APBB2: variants seen among roughly 807,000 people sequenced by gnomAD.
APBB2 encodes the protein amyloid beta precursor protein binding family B member 2, also known as Fe65-like 1.
A neutral mutation model predicts 82.5 loss-of-function variants in APBB2; 38 were observed. The observed-to-expected ratio is 0.46, with a 90% CI of 0.36 to 0.60. The LOEUF is 0.60. APBB2 is among the 20% of genes least tolerant of loss of function. The pLI, the probability that APBB2 is intolerant of heterozygous loss-of-function variation, is 0.00. For synonymous variants in APBB2, 341 were observed against 368.2 expected, an observed-to-expected ratio of 0.93 and a Z score of 0.85; for missense variants, 772 against 972.3, an observed-to-expected ratio of 0.79 and a Z score of 2.74.
intron 13 of APBB2, 84 bp from the exon 14 acceptor site, chr4:40,827,303 G>A (rs1448995674): frequency 9.3e-6 from 11 of 1,178,628 alleles, no homozygotes; most frequent in Non-Finnish European, 1.4e-5. Context: ...TGTCTAGGTT[G>A]ACTTCACTTC....
intron 6 of APBB2, among the ~76,000 whole-genome samples, chr4:41,003,871 T>A (rs1002312019): frequency 2.0e-5 from 3 of 151,992 alleles, no homozygotes; most frequent in African/African-American, 7.2e-5. Context: ...TGCCACCATG[T>A]CCAGCTAATT....
intron 10 of APBB2, among the ~76,000 whole-genome samples, chr4:40,924,706 T>A (rs1279017635): frequency 6.6e-6 from 1 of 152,204 alleles, no homozygotes; most frequent in Admixed American, 6.5e-5. Flanking sequence ...GCCGCCCCCA[T>A]GTGGATCAGG....
At chr4:40,905,416 CCTT>C (rs1021285273) in intron 10 of APBB2, among the ~76,000 whole-genome samples, 7 of 152,240 alleles carry the variant, frequency 4.6e-5, no homozygotes, top group African/African-American at 1.4e-4. Flanking sequence ...GCCTCACAAT[CCTT>C]CTTCACACAC....
intron 6 of APBB2, among the ~76,000 whole-genome samples, chr4:40,962,587 G>A (rs1250254275): frequency 1.3e-5 from 2 of 152,168 alleles, no homozygotes. Flanking sequence ...TACGTCATAG[G>A]TGGGCAATGT....
At chr4:40,986,894 G>A (rs866011798) in intron 6 of APBB2, among the ~76,000 whole-genome samples, 5 of 152,296 alleles carry the variant, frequency 3.3e-5, no homozygotes, top group Middle Eastern at 3.4e-3. Context: ...GTTCTTAACC[G>A]TCAATACGGC....
At chr4:41,015,846 T>C (rs1809757581) in intron 5 of APBB2, among the ~76,000 whole-genome samples, 2 of 152,202 alleles carry the variant, frequency 1.3e-5, no homozygotes, top group South Asian at 4.1e-4. Context: ...GTGTGGTTTT[T>C]CCTTTTTCAA....
intron 1 of APBB2, among the ~76,000 whole-genome samples, chr4:41,145,974 G>A (rs1760596306): frequency 6.6e-6 from 1 of 152,144 alleles, no homozygotes. Flanking sequence ...TGGATTGCTT[G>A]AGCCCAGGAG....
At chr4:41,177,365 C>T (rs941504886) in intron 1 of APBB2, among the ~76,000 whole-genome samples, 5 of 152,142 alleles carry the variant, frequency 3.3e-5, no homozygotes, top group Non-Finnish European at 7.3e-5. Context: ...AGCTATGCAG[C>T]CCTGAAAGCA....
intron 10 of APBB2, among the ~76,000 whole-genome samples, chr4:40,909,019 A>T (rs4861328): frequency 0.13 from 19,111 of 152,230 alleles, 1,401 homozygotes; most frequent in Middle Eastern, 0.19. Context: ...CCAGAGGTGT[A>T]GCACTCTTAG....
intron 1 of APBB2, among the ~76,000 whole-genome samples, chr4:41,182,885 T>C (rs951074552): frequency 4.3e-4 from 65 of 152,168 alleles, no homozygotes; most frequent in African/African-American, 1.5e-3. Flanking sequence ...CTTTCTCCCT[T>C]GACATGTGGG....
intron 2 of APBB2, among the ~76,000 whole-genome samples, chr4:41,107,025 G>T (rs1243173269): frequency 6.6e-6 from 1 of 151,958 alleles, no homozygotes; most frequent in African/African-American, 2.4e-5. Flanking sequence ...AAAAAAAGAT[G>T]TTGACCAGGC....
At chr4:41,016,030 A>C (rs925331801) in intron 5 of APBB2, among the ~76,000 whole-genome samples, 3 of 152,184 alleles carry the variant, frequency 2.0e-5, no homozygotes, top group Non-Finnish European at 4.4e-5. Context: ...GTGGCATTTC[A>C]TATGAGAAGG....
At chr4:40,830,211 C>CACACACACACACACATATATATATATAT (rs1292292234) in intron 13 of APBB2, among the ~76,000 whole-genome samples, 1 of 149,550 alleles carries the variant, frequency 6.7e-6, no homozygotes, top group African/African-American at 2.4e-5. Flanking sequence ...CACACACACA[C>CACACACACACACACATATATATATATAT]ATATATATAT....
rs1240937360 is a variant in APBB2 at position 40,894,243 on chromosome 4, G to A, written c.1255-832C>T. Reference sequence around the variant, plus strand: ...GCAGAGCTTGCAGTGAGCCGAGATCGCGCCACTGCACTCCAGCCTGGGTGA... The same window carrying A: ...GCAGAGCTTGCAGTGAGCCGAGATCACGCCACTGCACTCCAGCCTGGGTGA... On this transcript the variant is annotated intron_variant, in intron 10 of 17. Coordinates refer to ENST00000508593, the MANE Select transcript of APBB2 (RefSeq NM_004307.2). Among the ~76,000 whole-genome samples the A allele has an allele frequency of 5.3e-5, 8 of 151,682 alleles. No homozygotes were observed. In the East Asian group the frequency reaches 5.8e-4, roughly 11 times the overall value.
At chr4:40,916,746 C>T (rs1356049310) in intron 10 of APBB2, among the ~76,000 whole-genome samples, 1 of 152,120 alleles carries the variant, frequency 6.6e-6, no homozygotes, top group East Asian at 1.9e-4. Context: ...GGTGATCACA[C>T]AAAAACAAGG....
chr4:40,810,347 G>C lies in APBB2; in HGVS notation c.*5745C>G, dbSNP rs1332925089. On this transcript the variant is annotated 3_prime_UTR_variant, in exon 18 of 18. Coordinates refer to ENST00000508593, the MANE Select transcript of APBB2 (RefSeq NM_004307.2). The stretch of plus-strand genomic sequence containing the variant: ...CAGTTTGGGAGGCTGAGGTGGGCAC[G>C]CCACTTGAGCACCGGAGTTCCAGAC... The C allele has an allele frequency of 6.6e-6, 1 of 151,928 alleles. No homozygotes were observed. Among genetic ancestry groups the C allele is most frequent in the African/African-American group, 2.4e-5 (1 of 41,358 alleles). 9.4% of individuals were successfully genotyped at this position (151,928 alleles called of 1,614,324 possible). A position where few individuals can be genotyped will look rare whatever the true frequency, so the allele number is the denominator to read the frequency against.
At chr4:41,129,836 T>C (rs949863687) in intron 2 of APBB2, among the ~76,000 whole-genome samples, 1 of 151,926 alleles carries the variant, frequency 6.6e-6, no homozygotes. Context: ...GGCATTTATA[T>C]TCCAGTGAGA....
At chr4:41,049,334 G>GGGTC (rs1724882238) in intron 4 of APBB2, among the ~76,000 whole-genome samples, 1 of 93,938 alleles carries the variant, frequency 1.1e-5, no homozygotes, top group Non-Finnish European at 2.2e-5. Context: ...GAGAAGTGAG[G>GGGTC]AGCGTCTCCG....
intron 10 of APBB2, among the ~76,000 whole-genome samples, chr4:40,901,468 A>C (rs1411406157): frequency 6.6e-6 from 1 of 152,122 alleles, no homozygotes; most frequent in Non-Finnish European, 1.5e-5. Context: ...TGTCCTCTTC[A>C]GAAGGGCAGG....
Sources: gnomAD v4.1 joint callset for allele counts (sites outside exome capture counted in the v4.1 genomes callset) on GRCh38, gnomAD v4.1.1 for gene constraint, MANE v1.5 for transcripts, NCBI Gene and HGNC (gene_info 2026-07-23, HGNC 2026-07-21) for gene names.